Variants in COL26A1 observed in about 807,000 individuals in gnomAD.
COL26A1 encodes the protein collagen alpha-1(XXVI) chain.
Under a neutral mutation model 59.3 loss-of-function variants are expected in COL26A1, and 41 were observed. The ratio of observed to expected loss-of-function variants is 0.69; its 90% confidence interval spans 0.54 to 0.90. The LOEUF (loss-of-function observed/expected upper bound fraction) is 0.90. Among genes scored for constraint, COL26A1 ranks in the 40% least tolerant of loss-of-function variants. The pLI is 0.00. For synonymous variants in COL26A1, 266 were observed against 256.0 expected (o/e 1.04, Z -0.37); for missense variants, 612 against 602.3 (o/e 1.02, Z -0.17).
rs544034534 is a variant in COL26A1, at chr7:101,365,641, C to T, written c.158+2451C>T. ...AAAATGTAACGTTGGCCAGGCTGGT[C>T]TCAAACTCCTGGCCTCAAATGATCT... is the stretch of plus-strand genomic sequence containing the variant. On this transcript the variant is annotated intron_variant, in intron 1 of 12. Transcript: ENST00000313669. Among the ~76,000 whole-genome samples, 78 of 152,220 alleles carry T rather than the reference C, an allele frequency of 5.1e-4. No homozygotes were observed. In the South Asian group the frequency reaches 0.016, roughly 30 times the overall value.
At chr7:101,557,279 G>A (rs1044766509) in intron 12 of COL26A1, 91 bp from the exon 13 acceptor site, 3 of 1,339,578 alleles carry the variant, frequency 2.2e-6, no homozygotes, top group Non-Finnish European at 3.1e-6. Context: ...CTGGGCAAGA[G>A]CATCTCTCCG....
chr7:101,388,572 T>TTCTTTC (rs533036683), intron 1 of COL26A1, among the ~76,000 whole-genome samples: 9,189 of 148,120 alleles, frequency 0.062, 641 homozygotes, highest in African/African-American at 0.16. Context: ...CCTATTTTCT[T>TTCTTTC]TTTTTTTTTT....
chr7:101,475,864 CTCTCTT>C (rs1324434320), intron 3 of COL26A1, among the ~76,000 whole-genome samples: 5 of 131,770 alleles, frequency 3.8e-5, no homozygotes, highest in Non-Finnish European at 1.7e-5. Flanking sequence ...CTCTTTTTCT[CTCTCTT>C]TCTTTCTCTT....
intron 3 of COL26A1, among the ~76,000 whole-genome samples, chr7:101,512,986 T>C (rs1794957298): frequency 1.4e-5 from 2 of 139,430 alleles, no homozygotes; most frequent in Middle Eastern, 3.6e-3. Context: ...AAAGCCTCCC[T>C]TTTTACAATT....
chr7:101,536,253 T>C, intron 4 of COL26A1, among the ~76,000 whole-genome samples: 1 of 152,254 alleles, frequency 6.6e-6, no homozygotes. Flanking sequence ...TGACCTCAAG[T>C]GATCTGCTCG....
intron 3 of COL26A1, among the ~76,000 whole-genome samples, chr7:101,468,504 G>A (rs1419435362): frequency 6.6e-6 from 1 of 152,098 alleles, no homozygotes; most frequent in African/African-American, 2.4e-5. Context: ...CACCTTGGAG[G>A]TCTCTGCTCC....
At chr7:101,363,218 GGGGT>G in intron 1 of COL26A1, 28 bp downstream of exon 1, 1 of 1,320,582 alleles carries the variant, frequency 7.6e-7, no homozygotes, top group Non-Finnish European at 1.0e-6. Flanking sequence ...GAGGGGCCGG[GGGGT>G]GGGGGGAGGG....
chr7:101,404,441 C>G (rs114355360), intron 1 of COL26A1, among the ~76,000 whole-genome samples: 2,623 of 152,286 alleles, frequency 0.017, 67 homozygotes, highest in African/African-American at 0.06. Flanking sequence ...CCCTCCCCCC[C>G]CAAATGGCTT....
At chr7:101,388,979 AT>A in intron 1 of COL26A1, 8 of 296,486 alleles carry the variant, frequency 2.7e-5, no homozygotes, top group South Asian at 1.1e-4. Flanking sequence ...CAAGGACAGG[AT>A]TTTGGCCGCC....
chr7:101,536,747 C>T (rs561740264), intron 4 of COL26A1, among the ~76,000 whole-genome samples: 2 of 152,302 alleles, frequency 1.3e-5, no homozygotes, highest in African/African-American at 4.8e-5. Context: ...ATTGTTTATT[C>T]CACAAGAAGT....
intron 2 of COL26A1, among the ~76,000 whole-genome samples, chr7:101,428,667 G>A (rs1208023920): frequency 6.6e-6 from 1 of 151,642 alleles, no homozygotes; most frequent in Non-Finnish European, 1.5e-5. Context: ...TTTTGTGGTC[G>A]TGTGTGTGTG....
intron 3 of COL26A1, among the ~76,000 whole-genome samples, chr7:101,453,444 A>T (rs2130396673): frequency 6.6e-6 from 1 of 152,306 alleles, no homozygotes; most frequent in African/African-American, 2.4e-5. Context: ...GTGGCATGTG[A>T]CTGTACTCAC....
chr7:101,505,671 G>A (rs1004618101), intron 3 of COL26A1, among the ~76,000 whole-genome samples: 6 of 152,204 alleles, frequency 3.9e-5, no homozygotes, highest in African/African-American at 1.2e-4. Context: ...TCTTCTGCGT[G>A]CTTTGTGTTT....
At chr7:101,503,610 G>A (rs1558012) in intron 3 of COL26A1, among the ~76,000 whole-genome samples, 16,548 of 152,136 alleles carry the variant, frequency 0.11, 2,008 homozygotes, top group African/African-American at 0.3. Flanking sequence ...TTGACCTCCC[G>A]GCCTCTGGTG....
intron 3 of COL26A1, among the ~76,000 whole-genome samples, chr7:101,486,362 C>A (rs1794269155): frequency 6.6e-6 from 1 of 152,200 alleles, no homozygotes; most frequent in Non-Finnish European, 1.5e-5. Context: ...CCGTGTCATA[C>A]CCCATAGGGA....
At chr7:101,551,895 G>T (rs188865776) in intron 10 of COL26A1, among the ~76,000 whole-genome samples, 53 of 152,200 alleles carry the variant, frequency 3.5e-4, no homozygotes, top group Non-Finnish European at 6.3e-4. Flanking sequence ...TGGCCACAGT[G>T]GAGGTGCTCT....
At chr7:101,474,050 G>A (rs1304313059) in intron 3 of COL26A1, among the ~76,000 whole-genome samples, 3 of 152,176 alleles carry the variant, frequency 2.0e-5, no homozygotes, top group African/African-American at 4.8e-5. Context: ...ATGCCAGCCT[G>A]TGAAAAGCAT....
intron 1 of COL26A1, among the ~76,000 whole-genome samples, chr7:101,377,632 G>T (rs1337130375): frequency 2.0e-5 from 3 of 151,926 alleles, no homozygotes; most frequent in Non-Finnish European, 4.4e-5. Context: ...TTGCAACGTT[G>T]CCCAAGCTGG....
intron 1 of COL26A1, among the ~76,000 whole-genome samples, chr7:101,387,007 G>GGT (rs1350455470): frequency 6.6e-6 from 1 of 152,150 alleles, no homozygotes; most frequent in Admixed American, 6.6e-5. Flanking sequence ...GCAGAGCCGG[G>GGT]GTAGGGTTAC....
Sources: allele counts gnomAD v4.1 joint callset (sites outside exome capture counted in the v4.1 genomes callset), GRCh38; gene constraint gnomAD v4.1.1; transcripts MANE v1.5; gene names NCBI Gene and HGNC (gene_info 2026-07-23, HGNC 2026-07-21).